FRMD4B: variants seen among roughly 807,000 people sequenced by gnomAD.
The protein encoded by FRMD4B is FERM domain containing 4B.
A neutral mutation model predicts 141.5 loss-of-function variants in FRMD4B; 74 were observed. That is an observed-to-expected ratio of 0.52 (90% CI 0.43 to 0.63). The LOEUF (loss-of-function observed/expected upper bound fraction) is 0.63, where lower values mean the gene tolerates loss of function less well. Among genes scored for constraint, FRMD4B ranks in the 30% least tolerant of loss-of-function variants. FRMD4B has a pLI of 0.00. For missense variants in FRMD4B, 1,366 were observed against 1,253.4 expected, an observed-to-expected ratio of 1.09 and a Z score of -1.36; for synonymous variants, 506 against 467.9, an observed-to-expected ratio of 1.08 and a Z score of -1.05.
At position 69,250,097 on chromosome 3, in the gene FRMD4B, C is replaced by T. The variant is rs748004087; in HGVS notation, c.504G>A (p.Gly168=). ...FLNAKACVHK[G]QIEVESETIF... ...TGGTTTCGCTCTCTACTTCGATTTGCCCCTGTTGATGGAAAAGGAAAGCAT... is the reference window on the plus strand; with the variant it reads ...TGGTTTCGCTCTCTACTTCGATTTGTCCCTGTTGATGGAAAAGGAAAGCAT... The change falls in exon 6 of 23, where the codon GGG becomes GGA. Residue 168 remains glycine, a splice_region_variant and synonymous_variant. Transcript: ENST00000398540. 1.2e-6 allele frequency: 2 copies of T among 1,605,576 alleles called. No homozygotes were observed. The highest frequency in any genetic ancestry group is 1.7e-5 in the Admixed American group (1 of 59,976).
intron 1 of FRMD4B, among the ~76,000 whole-genome samples, chr3:69,540,085 A>C (rs952284008): frequency 2.8e-4 from 43 of 152,074 alleles, no homozygotes; most frequent in African/African-American, 9.9e-4. Flanking sequence ...CCCAGCTACA[A>C]GGGAGGTTGA....
At chr3:69,217,073 G>T (rs1045051647) in intron 10 of FRMD4B, among the ~76,000 whole-genome samples, 2 of 151,886 alleles carry the variant, frequency 1.3e-5, no homozygotes, top group African/African-American at 4.8e-5. Context: ...TGAGAAAAGT[G>T]GTTCCAATTC....
chr3:69,279,486 G>T (rs1374954349), intron 5 of FRMD4B, among the ~76,000 whole-genome samples: 1 of 152,124 alleles, frequency 6.6e-6, no homozygotes, highest in East Asian at 1.9e-4. Flanking sequence ...TAGAGACAGG[G>T]TCTTGCTCTG....
chr3:69,429,848 C>T (rs569630614), intron 2 of FRMD4B, among the ~76,000 whole-genome samples: 57 of 149,998 alleles, frequency 3.8e-4, no homozygotes, highest in African/African-American at 1.1e-3. Context: ...CAACTTCTGC[C>T]TCCTGAATTG....
At chr3:69,329,001 T>C (rs1458345796) in intron 1 of FRMD4B, among the ~76,000 whole-genome samples, 2 of 152,226 alleles carry the variant, frequency 1.3e-5, no homozygotes, top group Admixed American at 6.5e-5. Flanking sequence ...CTTTACTCTA[T>C]GGACTCATCC....
At chr3:69,341,303 A>G (rs1702731419) in intron 1 of FRMD4B, among the ~76,000 whole-genome samples, 1 of 152,214 alleles carries the variant, frequency 6.6e-6, no homozygotes, top group Non-Finnish European at 1.5e-5. Context: ...AGATTTACAG[A>G]TGAATCCCCT....
At chr3:69,419,856 G>T (rs1193996767) in intron 2 of FRMD4B, among the ~76,000 whole-genome samples, 1 of 152,158 alleles carries the variant, frequency 6.6e-6, no homozygotes, top group Non-Finnish European at 1.5e-5. Context: ...AATGGGTCAA[G>T]GTGTTTGTTT....
intron 1 of FRMD4B, among the ~76,000 whole-genome samples, chr3:69,496,905 T>A (rs1284864778): frequency 2.0e-5 from 3 of 151,802 alleles, no homozygotes; most frequent in East Asian, 1.9e-4. Context: ...TAGTTTTTTT[T>A]TTATTATTAT....
chr3:69,371,691 A>T (rs1003466217), intron 1 of FRMD4B, among the ~76,000 whole-genome samples: 4 of 152,176 alleles, frequency 2.6e-5, no homozygotes, highest in African/African-American at 9.7e-5. Context: ...GGATTTGCTG[A>T]TGGGTTAGAA....
chr3:69,203,199 A>G (rs1280781137), intron 11 of FRMD4B, among the ~76,000 whole-genome samples: 2 of 151,836 alleles, frequency 1.3e-5, no homozygotes, highest in Non-Finnish European at 2.9e-5. Context: ...TCTATAATCA[A>G]TATTTAGTTA....
At chr3:69,242,112 C>A (rs553112223) in intron 7 of FRMD4B, among the ~76,000 whole-genome samples, 17 of 152,002 alleles carry the variant, frequency 1.1e-4, no homozygotes, top group Admixed American at 2.6e-4. Context: ...GTAACGATGG[C>A]AAATATTGTT....
upstream of FRMD4B, among the ~76,000 whole-genome samples, chr3:69,389,887 A>T (rs1704342522): frequency 6.7e-6 from 1 of 150,318 alleles, no homozygotes; most frequent in Admixed American, 6.7e-5. Flanking sequence ...TAGCTTCAAC[A>T]TTGTCTTGCT....
At chr3:69,348,681 T>C (rs1703032013) in intron 1 of FRMD4B, among the ~76,000 whole-genome samples, 1 of 152,164 alleles carries the variant, frequency 6.6e-6, no homozygotes, top group South Asian at 2.1e-4. Context: ...TGGTACAACA[T>C]ATGCAAATCA....
chr3:69,414,063 C>T (rs1251455256), intron 2 of FRMD4B, among the ~76,000 whole-genome samples: 2 of 152,112 alleles, frequency 1.3e-5, no homozygotes, highest in Non-Finnish European at 2.9e-5. Context: ...GCATGTTCCT[C>T]AAAACACATA....
chr3:69,246,110 T>A (rs746164203), intron 7 of FRMD4B, among the ~76,000 whole-genome samples: 2 of 152,174 alleles, frequency 1.3e-5, no homozygotes, highest in Admixed American at 1.3e-4. Flanking sequence ...GTGCTGGGAT[T>A]ATAGGCGTGA....
intron 1 of FRMD4B, among the ~76,000 whole-genome samples, chr3:69,516,594 A>C (rs1025096123): frequency 1.8e-4 from 27 of 152,228 alleles, no homozygotes; most frequent in Non-Finnish European, 3.2e-4. Flanking sequence ...GAAACCTGGC[A>C]AGGACTTCTG....
At chr3:69,313,820 A>G (rs1266161248) in intron 1 of FRMD4B, among the ~76,000 whole-genome samples, 1 of 152,124 alleles carries the variant, frequency 6.6e-6, no homozygotes, top group Non-Finnish European at 1.5e-5. Context: ...GGAAACTACT[A>G]TATTTTTCCT....
chr3:69,385,562 C>A (rs1002295279), intron 1 of FRMD4B, among the ~76,000 whole-genome samples: 1 of 152,154 alleles, frequency 6.6e-6, no homozygotes, highest in African/African-American at 2.4e-5. Context: ...CCTAGTCAAG[C>A]GCCCGCCAGT....
At chr3:69,310,524 TA>T (rs1434782145) in intron 3 of FRMD4B, 1 of 438,274 alleles carries the variant, frequency 2.3e-6, no homozygotes, top group Non-Finnish European at 4.5e-6. Context: ...TGGGCTGCCA[TA>T]AAAAAGACAG....
Sources: gnomAD v4.1 joint callset for allele counts (sites outside exome capture counted in the v4.1 genomes callset) on GRCh38, gnomAD v4.1.1 for gene constraint, MANE v1.5 for transcripts, NCBI Gene and HGNC (gene_info 2026-07-23, HGNC 2026-07-21) for gene names.